Variants in FBXW8 observed in about 807,000 individuals in gnomAD.
FBXW8 encodes F-box and WD repeat domain containing 8.
Under a neutral mutation model 65.3 loss-of-function variants are expected in FBXW8, and 57 were observed. The ratio of observed to expected loss-of-function variants is 0.87; its 90% CI spans 0.71 to 1.09. The LOEUF (loss-of-function observed/expected upper bound fraction) is 1.09. FBXW8 is among the 50% of genes least tolerant of loss of function. The probability of loss-of-function intolerance (pLI) is 0.00; values close to 1 mark genes in which losing one functional copy is unlikely to be tolerated. For synonymous variants in FBXW8, 308 were observed against 330.2 expected (o/e 0.93, Z 0.73); for missense variants, 777 against 814.8 (o/e 0.95, Z 0.57).
At chr12:117,011,354 T>C (rs1222349604) in intron 8 of FBXW8, among the ~76,000 whole-genome samples, 1 of 152,144 alleles carries the variant, frequency 6.6e-6, no homozygotes, top group Non-Finnish European at 1.5e-5. Context: ...AAAATAGTTA[T>C]TCTGTCAAAT....
At chr12:116,992,267 G>C (rs898462651) in intron 7 of FBXW8, among the ~76,000 whole-genome samples, 8 of 152,082 alleles carry the variant, frequency 5.3e-5, no homozygotes, top group African/African-American at 1.9e-4. Flanking sequence ...GAAACATCTT[G>C]ATTTGCTTGT....
At chr12:116,923,648 C>T (rs1881079437) in intron 1 of FBXW8, among the ~76,000 whole-genome samples, 1 of 149,730 alleles carries the variant, frequency 6.7e-6, no homozygotes, top group Admixed American at 6.6e-5. Context: ...CTCAGCCTCT[C>T]GAGTAGCTGG....
At position 116,911,026 on chromosome 12, in the gene FBXW8, G is replaced by A; in HGVS notation, c.-12G>A. On this transcript the variant is annotated 5_prime_UTR_variant, in exon 1 of 11. Transcript: ENST00000652555. The stretch of plus-strand genomic sequence containing the variant: ...GAACCGAGGAGAACGTGGAGCGCCG[G>A]GAGCGGCGAATATGGACGACTACAG... The A allele has an allele frequency of 7.1e-7, 1 of 1,405,198 alleles. No homozygotes were observed. Among genetic ancestry groups the A allele is most frequent in the South Asian group, 1.5e-5 (1 of 64,810 alleles). 87.0% of individuals were successfully genotyped at this position (1,405,198 alleles called of 1,614,324 possible).
At chr12:116,959,642 A>C (rs754393556) in intron 4 of FBXW8, among the ~76,000 whole-genome samples, 1 of 152,228 alleles carries the variant, frequency 6.6e-6, no homozygotes, top group Non-Finnish European at 1.5e-5. Context: ...ATTCCTTCTT[A>C]TTCTTCTAGT....
At chr12:116,999,248 T>G (rs1483086955) in intron 7 of FBXW8, among the ~76,000 whole-genome samples, 1 of 152,196 alleles carries the variant, frequency 6.6e-6, no homozygotes, top group Non-Finnish European at 1.5e-5. Context: ...TGCATTAAAA[T>G]GAGGAAGTGG....
intron 1 of FBXW8, among the ~76,000 whole-genome samples, chr12:116,915,246 C>T (rs1055046835): frequency 1.3e-5 from 2 of 152,246 alleles, no homozygotes; most frequent in African/African-American, 4.8e-5. Context: ...GGTCTTTTCT[C>T]CCAGCTCATC....
chr12:116,969,638 T>A (rs931690909), intron 5 of FBXW8, among the ~76,000 whole-genome samples: 1 of 152,030 alleles, frequency 6.6e-6, no homozygotes, highest in African/African-American at 2.4e-5. Context: ...AATGAGTTAA[T>A]GAACTTCAGT....
intron 2 of FBXW8, among the ~76,000 whole-genome samples, chr12:116,941,030 C>T (rs925511634): frequency 2.6e-5 from 4 of 152,200 alleles, no homozygotes; most frequent in African/African-American, 9.7e-5. Flanking sequence ...ATTTGAGGGA[C>T]TGTCAGGTGG....
intron 9 of FBXW8, among the ~76,000 whole-genome samples, chr12:117,025,102 C>T (rs979853783): frequency 6.6e-6 from 1 of 152,158 alleles, no homozygotes; most frequent in Non-Finnish European, 1.5e-5. Context: ...TCTACCTGGC[C>T]CTGCAGGCCT....
Position 117,024,171 on chromosome 12 carries a change from T to TGGTAACATCGCCCTGTC in FBXW8, c.1394_1410dup (p.Leu471ValfsTer40). On this transcript the variant is annotated frameshift_variant, in exon 9 of 11. Transcript: ENST00000652555. LOFTEE classifies it high-confidence loss of function. ...GGGTGAGGATCCACGACCTCCGCAG[T>TGGTAACATCGCCCTGTC]GGTAACATCGCCCTGTCGCTCTCCG... 6.2e-7 allele frequency: 1 copy of TGGTAACATCGCCCTGTC among 1,614,026 alleles called. No homozygotes were observed. The highest frequency in any genetic ancestry group is 2.2e-5 in the East Asian group (1 of 44,878).
intron 1 of FBXW8, among the ~76,000 whole-genome samples, chr12:116,918,460 G>A (rs1305620037): frequency 1.3e-5 from 2 of 152,126 alleles, no homozygotes; most frequent in Non-Finnish European, 2.9e-5. Context: ...GTTTGTTCTG[G>A]GTGCTTACCT....
At chr12:116,942,188 C>A (rs11068256) in intron 2 of FBXW8, among the ~76,000 whole-genome samples, 4,456 of 150,962 alleles carry the variant, frequency 0.03, 199 homozygotes, top group East Asian at 0.21. Flanking sequence ...ACCATCACAT[C>A]TGGCTAATTT....
At chr12:116,913,657 G>C (rs986437752) in intron 1 of FBXW8, among the ~76,000 whole-genome samples, 4 of 152,202 alleles carry the variant, frequency 2.6e-5, no homozygotes, top group African/African-American at 9.6e-5. Context: ...TGGTCTTGCT[G>C]TCATAGTGGT....
At position 117,029,700 on chromosome 12, in the gene FBXW8, C is replaced by T. The variant is rs188488046; in HGVS notation, c.*1528C>T. The T allele has an allele frequency of 3.9e-5, 6 of 152,250 alleles. No individual in the cohort carries two copies. The highest frequency in any genetic ancestry group is 2.6e-4 in the Admixed American group (4 of 15,288). 9.4% of individuals were successfully genotyped at this position (152,250 alleles called of 1,614,324 possible). ...TCTCGGCTCACTGCAACCTCTGCCT[C>T]CCGAGTTCAAGCAATTCTCCTGCCT... On this transcript the variant is annotated 3_prime_UTR_variant, in exon 11 of 11. Transcript: ENST00000652555.
intron 5 of FBXW8, chr12:116,979,636 C>T (rs1460693509): frequency 6.6e-6 from 1 of 152,156 alleles, no homozygotes; most frequent in Non-Finnish European, 1.5e-5. Context: ...CAGCACTACT[C>T]AGAATTAATC....
intron 8 of FBXW8, among the ~76,000 whole-genome samples, chr12:117,012,563 T>C (rs984132563): frequency 6.6e-6 from 1 of 152,204 alleles, no homozygotes; most frequent in South Asian, 2.1e-4. Flanking sequence ...GAAGCTAGAC[T>C]AAGTGTGGTA....
intron 5 of FBXW8, among the ~76,000 whole-genome samples, chr12:116,970,711 C>T (rs1884600147): frequency 6.6e-6 from 1 of 152,164 alleles, no homozygotes; most frequent in Non-Finnish European, 1.5e-5. Flanking sequence ...AAACAACTAC[C>T]CCCCTGCCCC....
At chr12:116,969,347 G>A (rs1270040586) in intron 5 of FBXW8, among the ~76,000 whole-genome samples, 1 of 152,138 alleles carries the variant, frequency 6.6e-6, no homozygotes, top group Non-Finnish European at 1.5e-5. Context: ...CTGTTTCTGT[G>A]ATAAACAACA....
At chr12:116,983,689 T>C (rs754283786) in intron 5 of FBXW8, among the ~76,000 whole-genome samples, 4 of 152,128 alleles carry the variant, frequency 2.6e-5, no homozygotes, top group Non-Finnish European at 5.9e-5. Flanking sequence ...TTCTAGATAA[T>C]AGGAAGTTAT....
Sources: gnomAD v4.1 joint callset for allele counts (sites outside exome capture counted in the v4.1 genomes callset) on GRCh38, gnomAD v4.1.1 for gene constraint, MANE v1.5 for transcripts, NCBI Gene and HGNC (gene_info 2026-07-23, HGNC 2026-07-21) for gene names.